Variants in PTPRD observed in about 807,000 individuals in gnomAD.
The protein encoded by PTPRD is receptor-type tyrosine-protein phosphatase delta.
In PTPRD, 34 loss-of-function variants were observed where a neutral mutation model predicts 214.5. The observed-to-expected ratio is 0.16, with a 90% CI of 0.12 to 0.21. PTPRD has a LOEUF of 0.21. Ranked by LOEUF, PTPRD falls within the 10% of genes least tolerant of loss-of-function variation. The pLI is 1.00. For synonymous variants in PTPRD, 1,128 were observed against 845.7 expected, an observed-to-expected ratio of 1.33 and a Z score of -5.79; for missense variants, 2,545 against 2,398.7, an observed-to-expected ratio of 1.06 and a Z score of -1.27.
At chr9:9,749,196 CA>C (rs919576859) in intron 6 of PTPRD, among the ~76,000 whole-genome samples, 23 of 152,230 alleles carry the variant, frequency 1.5e-4, no homozygotes, top group African/African-American at 5.3e-4. Context: ...TTTCAAATCT[CA>C]GTCAATTTCT....
chr9:8,650,659 A>G (rs925202066), intron 12 of PTPRD, among the ~76,000 whole-genome samples: 2 of 152,186 alleles, frequency 1.3e-5, no homozygotes, highest in South Asian at 2.1e-4. Flanking sequence ...TAAAAAATAT[A>G]CTGAAAAATG....
At chr9:10,596,149 T>C (rs1485858363) in intron 2 of PTPRD, among the ~76,000 whole-genome samples, 1 of 151,774 alleles carries the variant, frequency 6.6e-6, no homozygotes, top group Non-Finnish European at 1.5e-5. Context: ...GATGAGAAAA[T>C]GGCAGTTTTC....
chr9:10,435,420 A>G (rs1336147995), intron 2 of PTPRD, among the ~76,000 whole-genome samples: 1 of 151,898 alleles, frequency 6.6e-6, no homozygotes, highest in East Asian at 1.9e-4. Flanking sequence ...AAAGAAATCA[A>G]AAGACAGACA....
At chr9:8,716,102 T>C (rs1369067981) in intron 12 of PTPRD, among the ~76,000 whole-genome samples, 2 of 152,164 alleles carry the variant, frequency 1.3e-5, no homozygotes, top group African/African-American at 4.8e-5. Context: ...AGCTATTTAA[T>C]TGCGAAAACC....
intron 2 of PTPRD, among the ~76,000 whole-genome samples, chr9:10,543,861 T>G (rs184741273): frequency 2.0e-3 from 300 of 152,246 alleles, no homozygotes; most frequent in African/African-American, 6.7e-3. Flanking sequence ...TTGAACCATA[T>G]CTCAGAGGTA....
chr9:10,201,826 T>C (rs1476767683), intron 3 of PTPRD, among the ~76,000 whole-genome samples: 1 of 151,994 alleles, frequency 6.6e-6, no homozygotes, highest in East Asian at 1.9e-4. Context: ...ACATTGAAAA[T>C]ACATCAAAAT....
chr9:8,444,737 C>A (rs1268245149), intron 34 of PTPRD, among the ~76,000 whole-genome samples: 1 of 152,018 alleles, frequency 6.6e-6, no homozygotes, highest in African/African-American at 2.4e-5. Context: ...CAAAATTTCC[C>A]CAATAAACAT....
intron 34 of PTPRD, among the ~76,000 whole-genome samples, chr9:8,436,995 G>A (rs906315201): frequency 2.0e-5 from 3 of 152,158 alleles, no homozygotes; most frequent in Admixed American, 2.0e-4. Context: ...TGACAGTCAG[G>A]CTTGATGTCA....
At chr9:9,741,546 G>A (rs2098402542) in intron 6 of PTPRD, among the ~76,000 whole-genome samples, 1 of 152,014 alleles carries the variant, frequency 6.6e-6, no homozygotes, top group East Asian at 1.9e-4. Context: ...ATGGTGGTTT[G>A]CTGCACCCAT....
At chr9:10,461,857 G>A (rs2098961471) in intron 2 of PTPRD, among the ~76,000 whole-genome samples, 1 of 151,946 alleles carries the variant, frequency 6.6e-6, no homozygotes, top group Non-Finnish European at 1.5e-5. Context: ...CCTGACCTCA[G>A]GTAATCCGCC....
chr9:10,512,043 TACAC>T (rs1166224804), intron 2 of PTPRD, among the ~76,000 whole-genome samples: 1 of 120,566 alleles, frequency 8.3e-6, no homozygotes, highest in Non-Finnish European at 1.8e-5. Flanking sequence ...TATATATATA[TACAC>T]ACACGTATAT....
chr9:9,834,859 G>A (rs969827156), intron 5 of PTPRD, among the ~76,000 whole-genome samples: 3 of 151,918 alleles, frequency 2.0e-5, no homozygotes, highest in African/African-American at 7.2e-5. Context: ...TAGAGTTCCA[G>A]ATGTGGTTTC....
Position 8,553,660 on chromosome 9 carries a change from C to CG in PTPRD, c.353-24882dup, listed in dbSNP as rs2082796583. Among the ~76,000 whole-genome samples the CG allele has an allele frequency of 3.3e-5, 5 of 152,284 alleles. No individual in the cohort carries two copies. The South Asian group carries it at 1.0e-3, about 32-fold the overall frequency. On this transcript the variant is annotated intron_variant, in intron 14 of 45. Coordinates refer to ENST00000381196, the MANE Select transcript of PTPRD (RefSeq NM_002839.4). ...AGCATTCTAAAATGTATGCTCTCAT[C>CG]GCTTCTCAGCCTTTTGGCTAAGATC...
At chr9:9,959,637 T>C (rs2094207937) in intron 4 of PTPRD, among the ~76,000 whole-genome samples, 1 of 152,090 alleles carries the variant, frequency 6.6e-6, no homozygotes. Context: ...TGAAAATAAG[T>C]CAAGTCTATA....
chr9:9,480,024 G>C (rs1055067097), intron 8 of PTPRD, among the ~76,000 whole-genome samples: 2 of 152,136 alleles, frequency 1.3e-5, no homozygotes. Context: ...TAATGGTAAA[G>C]TTTGATGGCA....
At chr9:8,684,779 C>T (rs549423840) in intron 12 of PTPRD, among the ~76,000 whole-genome samples, 2 of 152,158 alleles carry the variant, frequency 1.3e-5, no homozygotes, top group African/African-American at 4.8e-5. Context: ...ACAGATTGCA[C>T]TTTGACAAAA....
chr9:8,983,636 G>A lies in PTPRD; in HGVS notation c.-104+35061C>T, dbSNP rs192276326. 2.2e-3 allele frequency among the ~76,000 whole-genome samples: 329 copies of A among 152,056 alleles called. 1 individual carries two copies. The highest frequency in any genetic ancestry group is 3.4e-3 in the Middle Eastern group (1 of 294). On this transcript the variant is annotated intron_variant, in intron 11 of 45. Transcript: ENST00000381196. ...CAATCCTCCTGCCTCAGCCTCCAGG[G>A]AAGCTAGGACTGCATGTGTGCTCCA...
chr9:10,183,903 G>A (rs1260042805), intron 3 of PTPRD, among the ~76,000 whole-genome samples: 1 of 152,202 alleles, frequency 6.6e-6, no homozygotes, highest in African/African-American at 2.4e-5. Context: ...TGTTCTGATT[G>A]AATGCTCATA....
At chr9:8,976,665 T>A (rs1241549419) in intron 11 of PTPRD, among the ~76,000 whole-genome samples, 1 of 152,114 alleles carries the variant, frequency 6.6e-6, no homozygotes, top group African/African-American at 2.4e-5. Context: ...TACTGGGAAA[T>A]CTAACCATTG....
Sources: allele counts gnomAD v4.1 joint callset (sites outside exome capture counted in the v4.1 genomes callset), GRCh38; gene constraint gnomAD v4.1.1; transcripts MANE v1.5; gene names NCBI Gene and HGNC (gene_info 2026-07-23, HGNC 2026-07-21).